Variants in NUDCD3 observed in about 807,000 individuals in gnomAD.
NUDCD3 encodes the protein nudC domain-containing protein 3.
In NUDCD3, 13 loss-of-function variants were observed where a neutral mutation model predicts 39.7. That is an observed-to-expected ratio of 0.33 (90% confidence interval 0.21 to 0.52). The LOEUF is 0.52. NUDCD3 is among the 20% of genes least tolerant of loss of function. The pLI is 0.96. For synonymous variants in NUDCD3, 175 were observed against 172.4 expected (o/e 1.02, Z -0.12); for missense variants, 453 against 458.1 (o/e 0.99, Z 0.10).
At position 44,481,403 on chromosome 7, in the gene NUDCD3, G is replaced by C. The variant is rs568600077; in HGVS notation, c.509+3565C>G. On this transcript the variant is annotated intron_variant, in intron 2 of 5. Transcript: ENST00000355451. ...CATCGGAGAAATTTCTTCTACTTCA[G>C]GGGAGCTCTGCTGCGCTCTTCAGGC... 9 of 152,354 alleles carry C rather than the reference G, an allele frequency of 5.9e-5. No homozygotes were observed. In the East Asian group the frequency reaches 1.7e-3, roughly 29 times the overall value. 9.4% of individuals were successfully genotyped at this position (152,354 alleles called of 1,614,324 possible). A position where few individuals can be genotyped will look rare whatever the true frequency, so the allele number is the denominator to read the frequency against.
chr7:44,475,485 C>A (rs1318125564), intron 2 of NUDCD3, among the ~76,000 whole-genome samples: 1 of 152,150 alleles, frequency 6.6e-6, no homozygotes, highest in Non-Finnish European at 1.5e-5. Context: ...AGGCTGGATA[C>A]AGACACTCAT....
intron 3 of NUDCD3, among the ~76,000 whole-genome samples, chr7:44,411,151 A>G (rs1798915959): frequency 6.6e-6 from 1 of 152,208 alleles, no homozygotes; most frequent in South Asian, 2.1e-4. Flanking sequence ...ATTTCATAGC[A>G]TATAATAAAT....
Position 44,476,320 on chromosome 7 carries a change from T to C in NUDCD3, c.509+8648A>G, listed in dbSNP as rs1585105486. 2.0e-5 allele frequency among the ~76,000 whole-genome samples: 3 copies of C among 152,260 alleles called. No homozygotes were observed. The South Asian group carries it at 6.2e-4, about 32-fold the overall frequency. On this transcript the variant is annotated intron_variant, in intron 2 of 5. Coordinates refer to ENST00000355451, the MANE Select transcript of NUDCD3 (RefSeq NM_015332.4). ...GTGTGTGAGTGCTATAGAAGGAATG[T>C]TTGTGTCCCTCCAAAATTCATGTTA...
chr7:44,453,933 CTTGGGAGGCTAAG>C (rs932915429), intron 2 of NUDCD3, among the ~76,000 whole-genome samples: 3 of 152,110 alleles, frequency 2.0e-5, no homozygotes, highest in African/African-American at 7.2e-5. Context: ...CTTCCAGCTA[CTTGGGAGGCTAAG>C]ATGGGAGGAC....
intron 2 of NUDCD3, among the ~76,000 whole-genome samples, chr7:44,464,568 C>T (rs575244641): frequency 6.6e-6 from 1 of 152,218 alleles, no homozygotes; most frequent in South Asian, 2.1e-4. Context: ...ATCCTCCCAC[C>T]TCAGCCTCCT....
At chr7:44,390,872 A>G (rs1798501870) in intron 5 of NUDCD3, among the ~76,000 whole-genome samples, 1 of 152,206 alleles carries the variant, frequency 6.6e-6, no homozygotes, top group African/African-American at 2.4e-5. Context: ...TAAGCACCTG[A>G]GCTGAGCTCA....
At chr7:44,390,485 G>A (rs1798492733) in intron 5 of NUDCD3, among the ~76,000 whole-genome samples, 1 of 152,220 alleles carries the variant, frequency 6.6e-6, no homozygotes, top group South Asian at 2.1e-4. Context: ...AAGGCTCAGT[G>A]TCAGTGTCTG....
intron 4 of NUDCD3, among the ~76,000 whole-genome samples, chr7:44,397,316 A>T (rs1377901648): frequency 6.6e-6 from 1 of 152,138 alleles, no homozygotes; most frequent in African/African-American, 2.4e-5. Flanking sequence ...TCAGGTAGAG[A>T]GCTGCTGTAG....
intron 2 of NUDCD3, among the ~76,000 whole-genome samples, chr7:44,467,298 T>G (rs759476430): frequency 6.6e-6 from 1 of 152,200 alleles, no homozygotes; most frequent in Non-Finnish European, 1.5e-5. Flanking sequence ...AAGTAGAATG[T>G]GCCCAGACAG....
At chr7:44,415,778 A>C (rs1799009188) in intron 3 of NUDCD3, among the ~76,000 whole-genome samples, 1 of 152,242 alleles carries the variant, frequency 6.6e-6, no homozygotes, top group Non-Finnish European at 1.5e-5. Context: ...AAAGCCCCTG[A>C]ATCACCAACC....
Position 44,412,386 on chromosome 7 carries a change from A to C in NUDCD3, c.643-7803T>G, listed in dbSNP as rs1798943431. ...ATTTTATTACAATTTTTAAAAATCA[A>C]GTGTCCATTTTCAGCTTCAGTTGTA... On this transcript the variant is annotated intron_variant, in intron 3 of 5. Transcript: ENST00000355451. Among the ~76,000 whole-genome samples the C allele has an allele frequency of 3.9e-5, 6 of 152,250 alleles. No homozygotes were observed. The South Asian group carries it at 8.3e-4, about 21-fold the overall frequency.
Position 44,386,021 on chromosome 7 carries a change from A to G in NUDCD3, c.1076T>C (p.Val359Ala), listed in dbSNP as rs750833397. ...PAMFNISPGAVQF is the reference protein window; with the variant it reads ...PAMFNISPGAAQF ...CTTTCCTTCTGGTCATTAAAACTGC[A>G]CAGCCCCCGGGGAGATGTTGAACAT... is the stretch of plus-strand genomic sequence containing the variant. Residue 359 changes from valine to alanine, a missense_variant, in exon 6 of 6, where the codon GTG (valine) becomes GCG (alanine). Coordinates refer to ENST00000355451, the MANE Select transcript of NUDCD3 (RefSeq NM_015332.4). 4 of 1,516,650 alleles carry G rather than the reference A, an allele frequency of 2.6e-6. No homozygotes were observed. The highest frequency in any genetic ancestry group is 3.7e-6 in the Non-Finnish European group (4 of 1,091,228). 93.9% of individuals were successfully genotyped at this position (1,516,650 alleles called of 1,614,324 possible). A position where few individuals can be genotyped will look rare whatever the true frequency, so the allele number is the denominator to read the frequency against.
rs1798395046 is a variant in NUDCD3 at position 44,386,037 on chromosome 7, T to C, written c.1060A>G (p.Ile354Val). ...GQRFDPAMFN[I>V]SPGAVQF ...TAAAACTGCACAGCCCCCGGGGAGA[T>C]GTTGAACATGGCAGGGTCGAATCGC... Residue 354 changes from isoleucine (I) to valine (V), a missense_variant, in exon 6 of 6, where the codon ATC becomes GTC. Ile to Val is a conservative substitution (Grantham distance 29). Transcript: ENST00000355451. 2 of 1,579,022 alleles carry C rather than the reference T, an allele frequency of 1.3e-6. No homozygotes were observed. The highest frequency in any genetic ancestry group is 4.5e-5 in the East Asian group (2 of 44,720).
In NUDCD3 at chr7:44,380,521, G is replaced by T. The variant is rs1585042920; in HGVS notation, c.*5490C>A. The T allele has an allele frequency of 6.6e-6, 1 of 152,244 alleles. No individual in the cohort carries two copies. Among genetic ancestry groups the T allele is most frequent in the East Asian group, 1.9e-4 (1 of 5,200 alleles). 9.4% of individuals were successfully genotyped at this position (152,244 alleles called of 1,614,324 possible). ...AGCCCATTCCCTGACAGGTACCTGG[G>T]TTTCCCAGCCTTTGATGACCCCAAA... On this transcript the variant is annotated 3_prime_UTR_variant, in exon 6 of 6. Transcript: ENST00000355451.
At chr7:44,471,183 G>T (rs1204319292) in intron 2 of NUDCD3, among the ~76,000 whole-genome samples, 1 of 152,166 alleles carries the variant, frequency 6.6e-6, no homozygotes, top group East Asian at 1.9e-4. Context: ...AAAATCCAAC[G>T]ATGCTCAAGT....
At position 44,380,109 on chromosome 7, in the gene NUDCD3, C is replaced by G. The variant is rs778212828; in HGVS notation, c.*5902G>C. Reference sequence around the variant, plus strand: ...CAGTGGCTGGGGTCTTGTCATCAGGCACCCTGAATGCTTTCAGGTGGATGG... The same window carrying G: ...CAGTGGCTGGGGTCTTGTCATCAGGGACCCTGAATGCTTTCAGGTGGATGG... On this transcript the variant is annotated 3_prime_UTR_variant, in exon 6 of 6. Coordinates refer to ENST00000355451, the MANE Select transcript of NUDCD3 (RefSeq NM_015332.4). 1 of 152,272 alleles carries G rather than the reference C, an allele frequency of 6.6e-6. No individual in the cohort carries two copies. The highest frequency in any genetic ancestry group is 1.9e-4 in the East Asian group (1 of 5,196). 9.4% of individuals were successfully genotyped at this position (152,272 alleles called of 1,614,324 possible). A position where few individuals can be genotyped will look rare whatever the true frequency, so the allele number is the denominator to read the frequency against.
chr7:44,435,590 A>C (rs1268699613), intron 2 of NUDCD3, among the ~76,000 whole-genome samples: 1 of 152,226 alleles, frequency 6.6e-6, no homozygotes, highest in Non-Finnish European at 1.5e-5. Context: ...TAATTTCAGA[A>C]AGGCCATGCC....
At chr7:44,455,433 C>A (rs1014446952) in intron 2 of NUDCD3, among the ~76,000 whole-genome samples, 3 of 152,138 alleles carry the variant, frequency 2.0e-5, no homozygotes, top group Non-Finnish European at 4.4e-5. Flanking sequence ...CATCTCCCAG[C>A]TCACTGCATC....
At chr7:44,480,131 C>T (rs1800456220) in intron 2 of NUDCD3, among the ~76,000 whole-genome samples, 2 of 152,186 alleles carry the variant, frequency 1.3e-5, no homozygotes, top group African/African-American at 4.8e-5. Flanking sequence ...ACTCACAAAA[C>T]TAACTCTAAT....
Sources: allele counts gnomAD v4.1 joint callset (sites outside exome capture counted in the v4.1 genomes callset), GRCh38; gene constraint gnomAD v4.1.1; transcripts MANE v1.5; gene names NCBI Gene and HGNC (gene_info 2026-07-23, HGNC 2026-07-21).